The following PIK3R4 variants were observed in gnomAD, a reference collection of about 807,000 sequenced individuals.
The protein encoded by PIK3R4 is phosphoinositide 3-kinase regulatory subunit 4.
PIK3R4 carries 46 observed loss-of-function variants against 136.5 expected under a neutral mutation model. The observed-to-expected ratio is 0.34, with a 90% CI of 0.27 to 0.43. PIK3R4 has a LOEUF of 0.43. Ranked by LOEUF, PIK3R4 falls within the 20% of genes least tolerant of loss-of-function variation. The probability of loss-of-function intolerance (pLI) is 1.00; values close to 1 mark genes in which losing one functional copy is unlikely to be tolerated. For missense variants in PIK3R4, 1,331 were observed against 1,649.5 expected (o/e 0.81, Z 3.35); for synonymous variants, 557 against 566.7 (o/e 0.98, Z 0.24).
At chr3:130,713,448 A>T (rs2066643348) in intron 9 of PIK3R4, among the ~76,000 whole-genome samples, 1 of 152,194 alleles carries the variant, frequency 6.6e-6, no homozygotes, top group African/African-American at 2.4e-5. Flanking sequence ...GCACCCAGTA[A>T]CGGGGGCTGG....
At chr3:130,698,172 G>A (rs944175247) in intron 13 of PIK3R4, among the ~76,000 whole-genome samples, 3 of 152,152 alleles carry the variant, frequency 2.0e-5, no homozygotes, top group African/African-American at 7.2e-5. Flanking sequence ...GATGTGTCCA[G>A]GTATGGCTCC....
At chr3:130,736,552 C>T (rs1439047722) in intron 2 of PIK3R4, among the ~76,000 whole-genome samples, 1 of 151,608 alleles carries the variant, frequency 6.6e-6, no homozygotes, top group Non-Finnish European at 1.5e-5. Flanking sequence ...CCATTGCACT[C>T]CAGCCTGGAT....
At chr3:130,711,029 AAAC>A (rs1559825011) in intron 9 of PIK3R4, among the ~76,000 whole-genome samples, 1 of 151,884 alleles carries the variant, frequency 6.6e-6, no homozygotes, top group African/African-American at 2.4e-5. Context: ...AAAAAAAAAA[AAAC>A]AAGCTGGGAG....
chr3:130,741,217 A>G (rs193023810), intron 2 of PIK3R4, among the ~76,000 whole-genome samples: 1 of 152,314 alleles, frequency 6.6e-6, no homozygotes, highest in Admixed American at 6.5e-5. Context: ...CCTTAATCCA[A>G]TATGACTGGC....
intron 4 of PIK3R4, among the ~76,000 whole-genome samples, chr3:130,733,207 A>G (rs1301426945): frequency 2.0e-5 from 3 of 152,346 alleles, no homozygotes; most frequent in Non-Finnish European, 2.9e-5. Context: ...CTGACAGTCA[A>G]ATAACCATAT....
chr3:130,702,214 A>G (rs1458320731), intron 13 of PIK3R4, among the ~76,000 whole-genome samples: 7 of 152,176 alleles, frequency 4.6e-5, no homozygotes, highest in Non-Finnish European at 1.0e-4. Context: ...TATAAAACAG[A>G]GCAAATATAG....
intron 15 of PIK3R4, 123 bp downstream of exon 15, chr3:130,686,088 G>GA (rs377696549): frequency 0.089 from 42,189 of 471,950 alleles, 1 homozygote; most frequent in South Asian, 0.12. Flanking sequence ...ACATGACTAT[G>GA]AAAAAAAAAA....
chr3:130,711,625 T>G (rs1319684870), intron 9 of PIK3R4, among the ~76,000 whole-genome samples: 1 of 152,198 alleles, frequency 6.6e-6, no homozygotes, highest in Admixed American at 6.5e-5. Flanking sequence ...AAGCATCATG[T>G]TCTGAGTTCT....
Position 130,681,517 on chromosome 3 carries a change from T to C in PIK3R4, c.3682A>G (p.Ser1228Gly). The change falls in exon 17 of 20, where the codon AGT becomes GGT. Residue 1228 changes from serine to glycine, a missense_variant. Transcript: ENST00000356763. ...TGTAATTCAGAAAGTGGTGGTGCAC[T>C]GCTGGCCCAGAGAGTAAATCTTCTG... ...GDRRFTLWAS[S>G]APPLSELQPS... is the part of the protein sequence containing the mutation. 6.2e-7 allele frequency: 1 copy of C among 1,611,188 alleles called. No homozygotes were observed. The highest frequency in any genetic ancestry group is 8.5e-7 in the Non-Finnish European group (1 of 1,177,406).
At chr3:130,725,176 A>G (rs201797892) in intron 6 of PIK3R4, among the ~76,000 whole-genome samples, 3 of 151,928 alleles carry the variant, frequency 2.0e-5, no homozygotes, top group Non-Finnish European at 4.4e-5. Flanking sequence ...AAAATGAATG[A>G]CATCTGAAAC....
intron 9 of PIK3R4, among the ~76,000 whole-genome samples, chr3:130,713,995 T>C (rs572825730): frequency 1.2e-4 from 19 of 152,110 alleles, no homozygotes; most frequent in African/African-American, 4.1e-4. Flanking sequence ...TTTAAATTAA[T>C]ATACAGGATA....
rs2066784553 is a variant in PIK3R4, at chr3:130,736,131, A to G, written c.734-129T>C. ...AAAGTAAATGAAATTAAAAATTTTA[A>G]TGCAACATACAACTACAATCAAGCT... On this transcript the variant is annotated intron_variant, in intron 2 of 19. Transcript: ENST00000356763. 5 of 590,484 alleles carry G rather than the reference A, an allele frequency of 8.5e-6. No homozygotes were observed. The South Asian group carries it at 1.3e-4, about 16-fold the overall frequency. 36.6% of individuals were successfully genotyped at this position (590,484 alleles called of 1,614,324 possible). A position where few individuals can be genotyped will look rare whatever the true frequency, so the allele number is the denominator to read the frequency against.
chr3:130,709,487 A>G (rs760432370), intron 9 of PIK3R4, among the ~76,000 whole-genome samples: 1 of 152,184 alleles, frequency 6.6e-6, no homozygotes, highest in Non-Finnish European at 1.5e-5. Flanking sequence ...GCTAAAAAAC[A>G]TGAAATAAAA....
At chr3:130,701,209 C>T (rs2066572273) in intron 13 of PIK3R4, among the ~76,000 whole-genome samples, 1 of 152,028 alleles carries the variant, frequency 6.6e-6, no homozygotes, top group African/African-American at 2.4e-5. Flanking sequence ...ACTTAAAATG[C>T]TAATTAAAAT....
At chr3:130,680,281 T>A (rs1377489099) in intron 19 of PIK3R4, among the ~76,000 whole-genome samples, 1 of 152,140 alleles carries the variant, frequency 6.6e-6, no homozygotes, top group African/African-American at 2.4e-5. Context: ...CAGGTTTAAA[T>A]CCCAGCTTTC....
chr3:130,721,206 G>C (rs939214839), intron 7 of PIK3R4, among the ~76,000 whole-genome samples: 1 of 151,684 alleles, frequency 6.6e-6, no homozygotes, highest in Non-Finnish European at 1.5e-5. Context: ...GCATGGTAGC[G>C]GGCGCCTGTA....
At position 130,716,577 on chromosome 3, in the gene PIK3R4, A is replaced by C. The variant is rs771603091; in HGVS notation, c.2150T>G (p.Leu717Arg). The C allele has an allele frequency of 1.9e-6, 3 of 1,612,654 alleles. 1 individual carries two copies. In the Admixed American group the frequency reaches 5.0e-5, roughly 27 times the overall value. ...IIQIERKLVLLSVLKEPVSRS... is the reference protein window; with the variant it reads ...IIQIERKLVLRSVLKEPVSRS... ...ACTTACTGGTTCCTTTAAAACACTG[A>C]GCAGAACAAGTTTTCTTTCAATCTA... The change falls in exon 9 of 20, where the codon CTC becomes CGC. Residue 717 changes from leucine to arginine, a missense_variant. Around this residue, in one of 2 missense-constraint regions of PIK3R4, gnomAD observed 1,180 missense variants for 1,407.0 expected, o/e 0.84. Coordinates refer to ENST00000356763, the MANE Select transcript of PIK3R4 (RefSeq NM_014602.3).
chr3:130,698,316 T>A (rs892399433), intron 13 of PIK3R4, among the ~76,000 whole-genome samples: 5 of 152,214 alleles, frequency 3.3e-5, no homozygotes, highest in Non-Finnish European at 7.4e-5. Flanking sequence ...CCTCTCCTAC[T>A]GGAACTTTTA....
At chr3:130,711,536 TA>T (rs2066632513) in intron 9 of PIK3R4, among the ~76,000 whole-genome samples, 1 of 152,182 alleles carries the variant, frequency 6.6e-6, no homozygotes, top group Non-Finnish European at 1.5e-5. Flanking sequence ...TGAAACTATG[TA>T]TGCATAAGGA....
Sources: gnomAD v4.1 joint callset for allele counts (sites outside exome capture counted in the v4.1 genomes callset) on GRCh38, gnomAD v4.1.1 for gene constraint, gnomAD v4.1.1 regional missense constraint, MANE v1.5 for transcripts, NCBI Gene and HGNC (gene_info 2026-07-23, HGNC 2026-07-21) for gene names.